Variants in DLL1 observed in about 807,000 individuals in gnomAD.
DLL1 encodes delta-like protein 1.
DLL1 carries 9 observed loss-of-function variants against 75.1 expected under a neutral mutation model. That is an observed-to-expected ratio of 0.12 (90% CI 0.07 to 0.21). DLL1 has a LOEUF of 0.21. Ranked by LOEUF, DLL1 falls within the 10% of genes least tolerant of loss-of-function variation. DLL1 has a pLI of 1.00. For synonymous variants in DLL1, 477 were observed against 418.3 expected, an observed-to-expected ratio of 1.14 and a Z score of -1.71; for missense variants, 837 against 1,007.6, an observed-to-expected ratio of 0.83 and a Z score of 2.29.
rs768498390 is a variant in DLL1, at chr6:170,288,396, G to A, written c.513C>T (p.Leu171=). Residue 171 remains leucine (L), a synonymous_variant, in exon 4 of 11, where the codon CTC becomes CTT. Coordinates refer to ENST00000366756, the MANE Select transcript of DLL1 (RefSeq NM_005618.4). ...CACACACGAAGCGGTAGGAGTACTT[G>A]AGGTCCGTGCGGCCGCTGCTGTGCA... The part of the protein sequence containing the change: ...QDLHSSGRTD[L]KYSYRFVCDE... 62 of 1,613,974 alleles carry A rather than the reference G, an allele frequency of 3.8e-5. No homozygotes were observed. In the South Asian group the frequency reaches 6.5e-4, roughly 17 times the overall value.
In DLL1 at chr6:170,290,101, C is replaced by T. The variant is rs1470732238; in HGVS notation, c.39G>A (p.Ser13=). The change falls in exon 1 of 11, where the codon TCG becomes TCA. Residue 13 remains serine (S), a synonymous_variant. Transcript: ENST00000366756. The surrounding 1 kb of genome is among the most constrained non-coding windows in gnomAD (Gnocchi z 4.7). ...GCCCGCCTACCTGACACAGCAAGGC[C>T]GAGAGCACCGCCAGGGCCAGCGCGC... is the stretch of plus-strand genomic sequence containing the variant. ...SRCALALAVL[S]ALLCQVWSSG... The T allele has an allele frequency of 8.8e-6, 14 of 1,591,460 alleles. No homozygotes were observed. The South Asian group carries it at 1.2e-4, about 14-fold the overall frequency.
At position 170,283,247 on chromosome 6, in the gene DLL1, G is replaced by T. The variant is rs770145032; in HGVS notation, c.2032C>A (p.Pro678Thr). 1 of 1,612,630 alleles carries T rather than the reference G, an allele frequency of 6.2e-7. No homozygotes were observed. ...QGSSGEEKGT[P>T]TTLRGGEASE... ...AGCACGCACCCCCTGAGTGTGGTCG[G>T]GGTCCCCTTCTCCTCCCCTGAGGAG... Residue 678 changes from proline (P) to threonine (T), a missense_variant, in exon 9 of 11, where the codon CCG (proline) becomes ACG (threonine). Around this residue, in one of 2 missense-constraint regions of DLL1, gnomAD observed 533 missense variants for 545.7 expected, o/e 0.98. Coordinates refer to ENST00000366756, the MANE Select transcript of DLL1 (RefSeq NM_005618.4).
At chr6:170,289,325 C>CCCGGGGCGAGGTGTCCGCGCTGCT in intron 2 of DLL1, 187 bp downstream of exon 2, 1 of 1,003,146 alleles carries the variant, frequency 1.0e-6, no homozygotes, top group Non-Finnish European at 1.5e-6. Context: ...GCCGCGGGGC[C>CCCGGGGCGAGGTGTCCGCGCTGCT]CCGGGGCGAG....
In DLL1 at chr6:170,286,219, C is replaced by A; in HGVS notation, c.731+19G>T. ...CAAGAAAAGGCAACAAAACAAAACA[C>A]CACCTTGTGCAGACTTACTTGCATT... On this transcript the variant is annotated intron_variant, in intron 5 of 10. Transcript: ENST00000366756. 1.2e-6 allele frequency: 2 copies of A among 1,614,208 alleles called. No individual in the cohort carries two copies. Among genetic ancestry groups the A allele is most frequent in the Non-Finnish European group, 1.7e-6 (2 of 1,180,040 alleles).
In DLL1 at chr6:170,285,485, C is replaced by T. The variant is rs1783678267; in HGVS notation, c.863-62G>A. 3.7e-6 allele frequency: 6 copies of T among 1,614,136 alleles called. No homozygotes were observed. In the Admixed American group the frequency reaches 8.3e-5, roughly 22 times the overall value. ...AAGCTCGACATCAAATGCAGGAAGACTTTATTTTTCCAGTGATCAAACAGC... is the reference window on the plus strand; with the variant it reads ...AAGCTCGACATCAAATGCAGGAAGATTTTATTTTTCCAGTGATCAAACAGC... On this transcript the variant is annotated intron_variant, in intron 6 of 10. Coordinates refer to ENST00000366756, the MANE Select transcript of DLL1 (RefSeq NM_005618.4).
At chr6:170,289,836 G>A in intron 1 of DLL1, 28 bp from the exon 2 acceptor site, 1 of 1,548,102 alleles carries the variant, frequency 6.5e-7, no homozygotes, top group Non-Finnish European at 8.7e-7. Context: ...GGGGCGTGAG[G>A]ACGCGGGTCC....
intron 5 of DLL1, 119 bp from the exon 6 acceptor site, chr6:170,285,818 C>A: frequency 6.9e-7 from 1 of 1,441,986 alleles, no homozygotes; most frequent in Non-Finnish European, 9.7e-7. Flanking sequence ...TCCAGATTAG[C>A]AGAACACTGG....
At position 170,290,865 on chromosome 6, in the gene DLL1, C is replaced by T. The variant is rs749380010; in HGVS notation, c.-726G>A. Reference sequence around the variant, plus strand: ...GGGAGGAGGCTCTGCGCCGCGGCTGCCCGGGTTCCCCTGCGCTCTGCCCTC... The same window carrying T: ...GGGAGGAGGCTCTGCGCCGCGGCTGTCCGGGTTCCCCTGCGCTCTGCCCTC... On this transcript the variant is annotated 5_prime_UTR_variant, in exon 1 of 11. Coordinates refer to ENST00000366756, the MANE Select transcript of DLL1 (RefSeq NM_005618.4). This position sits in a 1 kb window ranked among gnomAD's most constrained non-coding sequence, Gnocchi z 4.7. 1,129 of 664,134 alleles carry T rather than the reference C, an allele frequency of 1.7e-3. 3 individuals carry two copies. Among genetic ancestry groups the T allele is most frequent in the Non-Finnish European group, 1.9e-3 (687 of 366,520 alleles). The allele number at this position is 664,134 out of a possible 1,614,324, so 41.1% of individuals were successfully genotyped here. A position where few individuals can be genotyped will look rare whatever the true frequency, so the allele number is the denominator to read the frequency against.
chr6:170,287,020 G>A (rs1046165503), intron 4 of DLL1, among the ~76,000 whole-genome samples: 3 of 152,228 alleles, frequency 2.0e-5, no homozygotes, highest in African/African-American at 4.8e-5. Flanking sequence ...ACTGGCCAGA[G>A]GCTCCCGCAG....
intron 4 of DLL1, 165 bp downstream of exon 4, chr6:170,288,074 T>G: frequency 9.8e-7 from 1 of 1,018,628 alleles, no homozygotes; most frequent in Non-Finnish European, 1.5e-6. Context: ...ACCCCCCCAC[T>G]GACGAGCTGT....
chr6:170,285,995 T>G (rs1447278380), intron 5 of DLL1, among the ~76,000 whole-genome samples: 6 of 152,230 alleles, frequency 3.9e-5, no homozygotes, highest in Non-Finnish European at 1.5e-5. Flanking sequence ...CTGTGCCAAC[T>G]CTTTTTAAAC....
At chr6:170,286,792 C>T (rs1330022431) in intron 4 of DLL1, among the ~76,000 whole-genome samples, 1 of 148,622 alleles carries the variant, frequency 6.7e-6, no homozygotes, top group Non-Finnish European at 1.5e-5. Flanking sequence ...TCACACACAC[C>T]CCTCGCGTGT....
At chr6:170,289,477 A>G (rs1485917381) in intron 2 of DLL1, 35 bp downstream of exon 2, 4 of 1,526,380 alleles carry the variant, frequency 2.6e-6, no homozygotes, top group Admixed American at 4.0e-5. Flanking sequence ...GCCCAGCTTC[A>G]GGGCCGGCCC....
Position 170,290,298 on chromosome 6 carries a change from G to A in DLL1, c.-159C>T. 1.4e-6 allele frequency: 1 copy of A among 714,370 alleles called. No individual in the cohort carries two copies. Among genetic ancestry groups the A allele is most frequent in the East Asian group, 3.4e-5 (1 of 29,102 alleles). 44.3% of individuals were successfully genotyped at this position (714,370 alleles called of 1,614,324 possible). A position where few individuals can be genotyped will look rare whatever the true frequency, so the allele number is the denominator to read the frequency against. Reference sequence around the variant, plus strand: ...CCCAGGACTTCTTTCTTTAAAAGCCGGTCTCCGCCTCTTCCCAAGGCCGCG... The same window carrying A: ...CCCAGGACTTCTTTCTTTAAAAGCCAGTCTCCGCCTCTTCCCAAGGCCGCG... On this transcript the variant is annotated 5_prime_UTR_variant, in exon 1 of 11. Coordinates refer to ENST00000366756, the MANE Select transcript of DLL1 (RefSeq NM_005618.4). The surrounding 1 kb of genome is among the most constrained non-coding windows in gnomAD (Gnocchi z 4.7).
chr6:170,289,860 G>A, intron 1 of DLL1, 52 bp from the exon 2 acceptor site: 2 of 1,529,928 alleles, frequency 1.3e-6, no homozygotes, highest in Non-Finnish European at 1.8e-6. Flanking sequence ...CCGAGCTAGG[G>A]GGCGTGAGGC....
At chr6:170,288,558 G>T in intron 3 of DLL1, 62 bp from the exon 4 acceptor site, 1 of 1,613,806 alleles carries the variant, frequency 6.2e-7, no homozygotes, top group Non-Finnish European at 8.5e-7. Context: ...GGGACAGAGC[G>T]GGGGTGGGCC....
Position 170,283,702 on chromosome 6 carries a change from C to T in DLL1, c.1577G>A (p.Gly526Asp), listed in dbSNP as rs756697215. Residue 526 changes from glycine to aspartate, a missense_variant, in exon 9 of 11, where the codon GGC becomes GAC. By Grantham distance (94) the Gly-to-Asp change is moderately conservative. This residue lies in a region of DLL1 where 533 missense variants were observed against 545.7 expected (regional missense o/e 0.98). Transcript: ENST00000366756. ...CTCAGTGAGGTCCACCACCGCTGGG[C>T]CCGGGGGCAGCTCGGGGAGCAGGAA... Reference protein sequence around the residue: ...CQFLLPELPPGPAVVDLTEKL... With the variant: ...CQFLLPELPPDPAVVDLTEKL... The T allele has an allele frequency of 6.4e-6, 10 of 1,556,012 alleles. No individual in the cohort carries two copies. Among genetic ancestry groups the T allele is most frequent in the African/African-American group, 2.7e-5 (2 of 73,684 alleles).
chr6:170,283,362 C>T lies in DLL1; in HGVS notation c.1917G>A (p.Val639=). The change falls in exon 9 of 11, where the codon GTG becomes GTA. Residue 639 remains valine (V), a synonymous_variant. Transcript: ENST00000366756. ...TGAGGTCCTGCACGAGGTTATAGTCCACCGCTGGGTAGCGGGCCTTGAAGC... is the reference window on the plus strand; with the variant it reads ...TGAGGTCCTGCACGAGGTTATAGTCTACCGCTGGGTAGCGGGCCTTGAAGC... ...KNGFKARYPA[V]DYNLVQDLKG... The T allele has an allele frequency of 1.2e-6, 2 of 1,612,434 alleles. No individual in the cohort carries two copies. Among genetic ancestry groups the T allele is most frequent in the African/African-American group, 1.3e-5 (1 of 75,060 alleles).
intron 7 of DLL1, 41 bp downstream of exon 7, chr6:170,285,213 C>T: frequency 6.2e-7 from 1 of 1,614,074 alleles, no homozygotes; most frequent in Non-Finnish European, 8.5e-7. Context: ...CACCAGGGCA[C>T]CCCAGCTTCC....
Sources: allele counts gnomAD v4.1 joint callset (sites outside exome capture counted in the v4.1 genomes callset), GRCh38; gene constraint gnomAD v4.1.1; regional missense constraint gnomAD v4.1.1; non-coding constraint Gnocchi (gnomAD v3.1); transcripts MANE v1.5; gene names NCBI Gene and HGNC (gene_info 2026-07-23, HGNC 2026-07-21).